PIK3R5: variants seen among roughly 807,000 people sequenced by gnomAD.
The protein encoded by PIK3R5 is phosphoinositide-3-kinase regulatory subunit 5, also known as phosphoinositide 3-kinase regulatory subunit 5.
Under a neutral mutation model 94.9 loss-of-function variants are expected in PIK3R5, and 32 were observed. The observed-to-expected ratio is 0.34, with a 90% CI of 0.25 to 0.45. The LOEUF (loss-of-function observed/expected upper bound fraction) is 0.45, where lower values mean the gene tolerates loss of function less well. Among genes scored for constraint, PIK3R5 ranks in the 20% least tolerant of loss-of-function variants. The pLI is 1.00. For synonymous variants in PIK3R5, 443 were observed against 479.4 expected (o/e 0.92, Z 0.99); for missense variants, 853 against 1,144.6 (o/e 0.75, Z 3.68).
intron 5 of PIK3R5, among the ~76,000 whole-genome samples, chr17:8,897,814 G>A (rs1283485331): frequency 6.6e-6 from 1 of 152,192 alleles, no homozygotes; most frequent in African/African-American, 2.4e-5. Context: ...CAACCTTGAA[G>A]ATGGTGACTT....
chr17:8,888,683 C>G lies in PIK3R5; in HGVS notation c.1104G>C (p.Gly368=), dbSNP rs761030475. ...TLSLASSQAS[G]PALSRHLLTS... ...TCAGCAGATGGCGCGAGAGGGCCGGCCCCGAGGCCTGGGAGGATGCAAGGG... is the reference window on the plus strand; with the variant it reads ...TCAGCAGATGGCGCGAGAGGGCCGGGCCCGAGGCCTGGGAGGATGCAAGGG... Residue 368 remains glycine (G), a synonymous_variant, in exon 10 of 19, where the codon GGG becomes GGC. Transcript: ENST00000447110. This position sits in a 1 kb window ranked among gnomAD's most constrained non-coding sequence, Gnocchi z 7.8. 6.2e-7 allele frequency: 1 copy of G among 1,613,922 alleles called. No homozygotes were observed. The highest frequency in any genetic ancestry group is 8.5e-7 in the Non-Finnish European group (1 of 1,180,020).
chr17:8,912,562 C>G (rs1475756544), intron 1 of PIK3R5: 1 of 152,238 alleles, frequency 6.6e-6, no homozygotes, highest in African/African-American at 2.4e-5. Context: ...CCATCATCGC[C>G]CTGGCCTCAG....
chr17:8,880,895 C>T lies in PIK3R5; in HGVS notation c.2495+10G>A. The T allele has an allele frequency of 1.2e-6, 2 of 1,613,316 alleles. No individual in the cohort carries two copies. The highest frequency in any genetic ancestry group is 1.7e-6 in the Non-Finnish European group (2 of 1,179,234). On this transcript the variant is annotated intron_variant, in intron 18 of 18. Coordinates refer to ENST00000447110, the MANE Select transcript of PIK3R5 (RefSeq NM_001142633.3). ...AAACTGCTCCCCTCCCTAGGACCCC[C>T]CTTTCCTACCTGACTACACTCTGCA...
At chr17:8,926,214 G>C (rs1358721295) in intron 1 of PIK3R5, among the ~76,000 whole-genome samples, 4 of 152,126 alleles carry the variant, frequency 2.6e-5, no homozygotes, top group South Asian at 2.1e-4. Context: ...TGGAGGGTTT[G>C]AGTGACCATG....
chr17:8,881,084 CT>C lies in PIK3R5; in HGVS notation c.2383-68del. 1 of 1,188,604 alleles carries C rather than the reference CT, an allele frequency of 8.4e-7. No homozygotes were observed. Among genetic ancestry groups the C allele is most frequent in the Non-Finnish European group, 1.3e-6 (1 of 792,794 alleles). The allele number at this position is 1,188,604 out of a possible 1,614,324, so 73.6% of individuals were successfully genotyped here. ...CAACACTGCCAGCCCCTGGCAGTTC[CT>C]TTTCTCAGAACTGCCCATCCACTTC... is the stretch of plus-strand genomic sequence containing the variant. On this transcript the variant is annotated intron_variant, in intron 17 of 18. Transcript: ENST00000447110. This position sits in a 1 kb window ranked among gnomAD's most constrained non-coding sequence, Gnocchi z 4.8.
chr17:8,890,187 C>A lies in PIK3R5; in HGVS notation c.658-61G>T, dbSNP rs577237714. ...ACCGTGAGCTAGCTGTCCACCTGTT[C>A]CAGTTGCTAGCTTCTTACTGAGGGA... On this transcript the variant is annotated intron_variant, in intron 7 of 18. Transcript: ENST00000447110. The surrounding 1 kb of genome is among the most constrained non-coding windows in gnomAD (Gnocchi z 6.1). 8.1e-5 allele frequency: 126 copies of A among 1,562,056 alleles called. 1 individual carries two copies. The South Asian group carries it at 1.3e-3, about 16-fold the overall frequency.
Position 8,925,236 on chromosome 17 carries a change from T to C in PIK3R5, c.-13-13729A>G, listed in dbSNP as rs1316541593. On this transcript the variant is annotated intron_variant, in intron 1 of 18. Coordinates refer to ENST00000447110, the MANE Select transcript of PIK3R5 (RefSeq NM_001142633.3). This position sits in a 1 kb window ranked among gnomAD's most constrained non-coding sequence, Gnocchi z 5.1. ...GATAGATAGTAGATGGATAGATAGA[T>C]AGTAGATGGGTAGATAGATAGATGG... Among the ~76,000 whole-genome samples the C allele has an allele frequency of 6.7e-6, 1 of 149,932 alleles. No individual in the cohort carries two copies. Among genetic ancestry groups the C allele is most frequent in the Admixed American group, 6.6e-5 (1 of 15,136 alleles).
intron 5 of PIK3R5, among the ~76,000 whole-genome samples, chr17:8,898,221 T>C: frequency 6.6e-6 from 1 of 152,166 alleles, no homozygotes; most frequent in South Asian, 2.1e-4. Context: ...CCCAGAGAAA[T>C]GTAACACCAC....
In PIK3R5 at chr17:8,879,285, C is replaced by G. The variant is rs536657869; in HGVS notation, c.*1354G>C. ...CCAGATCCTCGTCTTGACTTCTGCC[C>G]TATCTCTCTAGCCCATGTTTGCTTC... On this transcript the variant is annotated 3_prime_UTR_variant, in exon 19 of 19. Coordinates refer to ENST00000447110, the MANE Select transcript of PIK3R5 (RefSeq NM_001142633.3). The surrounding 1 kb of genome is among the most constrained non-coding windows in gnomAD (Gnocchi z 4.4). 1 of 152,384 alleles carries G rather than the reference C, an allele frequency of 6.6e-6. No homozygotes were observed. Among genetic ancestry groups the G allele is most frequent in the African/African-American group, 2.4e-5 (1 of 41,570 alleles). The allele number at this position is 152,384 out of a possible 1,614,324, so 9.4% of individuals were successfully genotyped here. A position where few individuals can be genotyped will look rare whatever the true frequency, so the allele number is the denominator to read the frequency against.
chr17:8,890,684 G>A lies in PIK3R5; in HGVS notation c.657+54C>T. 3 of 1,462,490 alleles carry A rather than the reference G, an allele frequency of 2.1e-6. No homozygotes were observed. Among genetic ancestry groups the A allele is most frequent in the Middle Eastern group, 1.9e-4 (1 of 5,328 alleles). The allele number at this position is 1,462,490 out of a possible 1,614,324, so 90.6% of individuals were successfully genotyped here. On this transcript the variant is annotated intron_variant, in intron 7 of 18. Coordinates refer to ENST00000447110, the MANE Select transcript of PIK3R5 (RefSeq NM_001142633.3). The surrounding 1 kb of genome is among the most constrained non-coding windows in gnomAD (Gnocchi z 6.1). Reference sequence around the variant, plus strand: ...GTGGCTGAGATGAAGCAGGGAGAGGGTGCTACCTCCTCAGAGAGGTGCTCC... The same window carrying A: ...GTGGCTGAGATGAAGCAGGGAGAGGATGCTACCTCCTCAGAGAGGTGCTCC...
At chr17:8,940,005 T>C (rs1291504224) in intron 1 of PIK3R5, among the ~76,000 whole-genome samples, 1 of 152,192 alleles carries the variant, frequency 6.6e-6, no homozygotes, top group East Asian at 1.9e-4. Flanking sequence ...CTCAGGACAG[T>C]TTAATTCCTT....
Position 8,886,098 on chromosome 17 carries a change from C to T in PIK3R5, c.2128+131G>A. On this transcript the variant is annotated intron_variant, in intron 14 of 18. Transcript: ENST00000447110. The stretch of plus-strand genomic sequence containing the variant: ...CCACCTCCCGGTAACCCCGTCTCCC[C>T]AGGGGCCTACCTCCTGTGCAACCCC... 5.7e-6 allele frequency: 4 copies of T among 702,798 alleles called. No homozygotes were observed. In the Admixed American group the frequency reaches 8.6e-5, roughly 15 times the overall value. 43.5% of individuals were successfully genotyped at this position (702,798 alleles called of 1,614,324 possible).
At chr17:8,949,228 G>C (rs890040259) in intron 1 of PIK3R5, among the ~76,000 whole-genome samples, 1 of 152,180 alleles carries the variant, frequency 6.6e-6, no homozygotes, top group African/African-American at 2.4e-5. Context: ...AGTGCTTAAG[G>C]GTTTACTCAA....
intron 1 of PIK3R5, among the ~76,000 whole-genome samples, chr17:8,963,503 A>G (rs1179905690): frequency 3.5e-5 from 5 of 143,188 alleles, no homozygotes; most frequent in Non-Finnish European, 7.6e-5. Flanking sequence ...GTTAGCATCC[A>G]ACCTATTCTT....
chr17:8,924,085 C>T (rs1374062113), intron 1 of PIK3R5, among the ~76,000 whole-genome samples: 1 of 124,152 alleles, frequency 8.1e-6, no homozygotes, highest in African/African-American at 3.0e-5. Flanking sequence ...CCTTCCCTTC[C>T]CTTTCCTTTT....
At chr17:8,951,104 T>G (rs1198369828) in intron 1 of PIK3R5, among the ~76,000 whole-genome samples, 1 of 152,246 alleles carries the variant, frequency 6.6e-6, no homozygotes, top group Non-Finnish European at 1.5e-5. Context: ...CGTCTTCTTT[T>G]GAGAAGTGTC....
In PIK3R5 at chr17:8,948,037, C is replaced by T. The variant is rs543528532; in HGVS notation, c.-14+17559G>A. ...CAGCCTGGGCGACAGAGCGAGACTC[C>T]GTCTTAAAAAAAAAAAAAAAAAAAA... On this transcript the variant is annotated intron_variant, in intron 1 of 18. Coordinates refer to ENST00000447110, the MANE Select transcript of PIK3R5 (RefSeq NM_001142633.3). Among the ~76,000 whole-genome samples the T allele has an allele frequency of 6.6e-3, 693 of 105,568 alleles. 7 individuals carry two copies. The highest frequency in any genetic ancestry group is 0.022 in the African/African-American group (649 of 29,078). The allele number at this position is 105,568 out of a possible 152,430, so 69.3% of individuals were successfully genotyped here. A position where few individuals can be genotyped will look rare whatever the true frequency, so the allele number is the denominator to read the frequency against.
chr17:8,906,017 C>A (rs1255715078), intron 3 of PIK3R5, among the ~76,000 whole-genome samples: 1 of 152,004 alleles, frequency 6.6e-6, no homozygotes, highest in African/African-American at 2.4e-5. Flanking sequence ...ATTTTAAGTT[C>A]TGGGATACAT....
At chr17:8,950,056 T>A (rs2091349327) in intron 1 of PIK3R5, among the ~76,000 whole-genome samples, 1 of 152,168 alleles carries the variant, frequency 6.6e-6, no homozygotes. Flanking sequence ...TAGGGATCAA[T>A]GGATTCACTG....
Sources: gnomAD v4.1 joint callset for allele counts (sites outside exome capture counted in the v4.1 genomes callset) on GRCh38, gnomAD v4.1.1 for gene constraint, Gnocchi (gnomAD v3.1) non-coding constraint, MANE v1.5 for transcripts, NCBI Gene and HGNC (gene_info 2026-07-23, HGNC 2026-07-21) for gene names.